The following ANKDD1A variants were observed in gnomAD, a reference collection of about 807,000 sequenced individuals.
ANKDD1A encodes ankyrin repeat and death domain containing 1A.
In ANKDD1A, 59 loss-of-function variants were observed where a neutral mutation model predicts 63.5. That is an observed-to-expected ratio of 0.93 (90% confidence interval 0.75 to 1.15). ANKDD1A has a LOEUF of 1.15. Ranked by LOEUF, ANKDD1A falls within the 50% of genes most tolerant of loss-of-function variation. ANKDD1A has a pLI of 0.00. For synonymous variants in ANKDD1A, 266 were observed against 263.9 expected (o/e 1.01, Z -0.08); for missense variants, 632 against 656.4 (o/e 0.96, Z 0.41).
Position 64,947,501 on chromosome 15 carries a change from C to T in ANKDD1A, c.1259C>T (p.Ser420Phe), listed in dbSNP as rs2140382314. 1 of 1,613,848 alleles carries T rather than the reference C, an allele frequency of 6.2e-7. No homozygotes were observed. Among genetic ancestry groups the T allele is most frequent in the Non-Finnish European group, 8.5e-7 (1 of 1,179,886 alleles). ...CGTTCTGTGCTGTGGCGGCTGGCCTCCAGGTATCTGCAGCCCCGTGAGTGG... is the reference window on the plus strand; with the variant it reads ...CGTTCTGTGCTGTGGCGGCTGGCCTTCAGGTATCTGCAGCCCCGTGAGTGG... The part of the protein sequence containing the change: ...QLRSVLWRLA[S>F]RYLQPREWKK... The change falls in exon 13 of 15, where the codon TCC becomes TTC. Residue 420 changes from serine (S) to phenylalanine (F), a missense_variant. Physicochemically the swap from Ser to Phe is radical, Grantham distance 155. Transcript: ENST00000319580.
At chr15:64,944,110 G>C (rs1028122336) in intron 11 of ANKDD1A, among the ~76,000 whole-genome samples, 2 of 152,202 alleles carry the variant, frequency 1.3e-5, no homozygotes, top group Non-Finnish European at 2.9e-5. Context: ...GAGCTGGGGG[G>C]CAGGATCAGA....
chr15:64,931,687 G>C, intron 8 of ANKDD1A, 102 bp downstream of exon 8: 1 of 1,258,250 alleles, frequency 7.9e-7, no homozygotes, highest in Non-Finnish European at 1.1e-6. Context: ...AGTGAATAGA[G>C]GCTTCGAGGC....
Position 64,918,953 on chromosome 15 carries a change from C to CA in ANKDD1A, c.267+1451dup, listed in dbSNP as rs941866363. 1.6e-3 allele frequency among the ~76,000 whole-genome samples: 211 copies of CA among 132,234 alleles called. 1 individual carries two copies. Among genetic ancestry groups the CA allele is most frequent in the East Asian group, 8.1e-3 (37 of 4,580 alleles). The allele number at this position is 132,234 out of a possible 152,430, so 86.8% of individuals were successfully genotyped here. ...TGGGTGACAGAGCGAGACTCTGTCT[C>CA]AAAAAAAAAAAAGAATCCTCTCTGT... On this transcript the variant is annotated intron_variant, in intron 3 of 14. Transcript: ENST00000319580.
intron 14 of ANKDD1A, chr15:64,950,709 T>C (rs2085262211): frequency 2.0e-6 from 2 of 978,560 alleles, no homozygotes; most frequent in East Asian, 2.3e-4. Context: ...TAGCATATTA[T>C]TGAGGGAAAA....
chr15:64,937,618 T>C (rs55710439), intron 9 of ANKDD1A, among the ~76,000 whole-genome samples: 139,514 of 151,798 alleles, frequency 0.92, 64,854 homozygotes, highest in East Asian at 1. Flanking sequence ...GTCCCAGCTA[T>C]TCAGGAGGCT....
At chr15:64,945,230 A>G (rs185780931) in intron 12 of ANKDD1A, among the ~76,000 whole-genome samples, 119 of 152,278 alleles carry the variant, frequency 7.8e-4, no homozygotes, top group Middle Eastern at 3.4e-3. Flanking sequence ...AAATGGAGGT[A>G]GGGAGTTTTT....
intron 6 of ANKDD1A, 68 bp from the exon 7 acceptor site, chr15:64,930,754 C>A: frequency 6.8e-7 from 1 of 1,470,318 alleles, no homozygotes; most frequent in Non-Finnish European, 9.3e-7. Flanking sequence ...ATGGCTGCAG[C>A]TCATCACAGG....
intron 14 of ANKDD1A, among the ~76,000 whole-genome samples, chr15:64,951,789 CTTCT>C (rs202171482): frequency 0.023 from 2,733 of 117,724 alleles, 50 homozygotes; most frequent in Admixed American, 0.038. Context: ...TTTCTTCTTC[CTTCT>C]TTCTTTCCTC....
intron 14 of ANKDD1A, among the ~76,000 whole-genome samples, chr15:64,954,700 T>C (rs2085395199): frequency 6.9e-6 from 1 of 145,840 alleles, no homozygotes; most frequent in African/African-American, 2.6e-5. Context: ...TCCTTGTTCT[T>C]CTCCTTCTTC....
intron 4 of ANKDD1A, among the ~76,000 whole-genome samples, chr15:64,923,603 G>A (rs2085023683): frequency 6.6e-6 from 1 of 152,168 alleles, no homozygotes; most frequent in Non-Finnish European, 1.5e-5. Context: ...GTTGGCAGTG[G>A]TGGGAGTGCC....
intron 1 of ANKDD1A, among the ~76,000 whole-genome samples, chr15:64,915,509 T>C (rs1389043547): frequency 2.0e-5 from 3 of 152,100 alleles, no homozygotes; most frequent in African/African-American, 2.4e-5. Flanking sequence ...ACTTGGATAA[T>C]GGGGCACACA....
rs1566914299 is a variant in ANKDD1A at position 64,947,564 on chromosome 15, A to G, written c.1322A>G (p.His441Arg). Residue 441 changes from histidine (H) to arginine (R), a missense_variant, in exon 13 of 15, where the codon CAT becomes CGT. By Grantham distance (29) the His-to-Arg change is conservative. Coordinates refer to ENST00000319580, the MANE Select transcript of ANKDD1A (RefSeq NM_182703.6). The stretch of plus-strand genomic sequence containing the variant: ...TATTCCTGGGAGTTCACGGAGGCAC[A>G]TGTCGACGCCATCGAGCAACAGTGG... ...LAYSWEFTEAHVDAIEQQWTG... is the reference protein window; with the variant it reads ...LAYSWEFTEARVDAIEQQWTG... The G allele has an allele frequency of 6.2e-7, 1 of 1,614,144 alleles. No homozygotes were observed. Among genetic ancestry groups the G allele is most frequent in the Non-Finnish European group, 8.5e-7 (1 of 1,180,000 alleles).
intron 6 of ANKDD1A, 56 bp from the exon 7 acceptor site, chr15:64,930,766 C>A: frequency 1.3e-6 from 2 of 1,548,248 alleles, no homozygotes. Context: ...CATCACAGGT[C>A]TGTGATTCTG....
intron 8 of ANKDD1A, 132 bp from the exon 9 acceptor site, chr15:64,934,004 G>A: frequency 1.6e-6 from 1 of 643,970 alleles, no homozygotes. Context: ...GATTTTTCCA[G>A]CCTCAGTTAA....
chr15:64,951,040 C>T (rs1266369360), intron 14 of ANKDD1A: 13 of 1,247,292 alleles, frequency 1.0e-5, no homozygotes, highest in East Asian at 6.3e-5. Flanking sequence ...CCTTCAGGCA[C>T]GTGGGACCTC....
At chr15:64,949,509 G>C (rs2085251777) in intron 13 of ANKDD1A, among the ~76,000 whole-genome samples, 1 of 152,170 alleles carries the variant, frequency 6.6e-6, no homozygotes. Context: ...GTGCATCATG[G>C]TACCACAACG....
At chr15:64,946,416 T>G (rs576764268) in intron 12 of ANKDD1A, among the ~76,000 whole-genome samples, 10 of 152,316 alleles carry the variant, frequency 6.6e-5, no homozygotes, top group Non-Finnish European at 1.5e-4. Context: ...TATGCTAGAT[T>G]CCCTTAAACA....
Position 64,916,724 on chromosome 15 carries a change from C to T in ANKDD1A, c.139-662C>T, listed in dbSNP as rs544294779. 1.8e-4 allele frequency among the ~76,000 whole-genome samples: 28 copies of T among 152,256 alleles called. No individual in the cohort carries two copies. In the South Asian group the frequency reaches 2.5e-3, roughly 14 times the overall value. ...TGAGGTAGGAAGGAGCAGCTGGGCT[C>T]CAGAGAGGGGATGTGGCTTGCCTGA... On this transcript the variant is annotated intron_variant, in intron 2 of 14. Coordinates refer to ENST00000319580, the MANE Select transcript of ANKDD1A (RefSeq NM_182703.6).
chr15:64,954,308 TCTCTTC>T (rs2085379970), intron 14 of ANKDD1A, among the ~76,000 whole-genome samples: 1 of 28,108 alleles, frequency 3.6e-5, no homozygotes, highest in African/African-American at 5.4e-5. Context: ...TTCTTCTCCT[TCTCTTC>T]CTTCTTAGTT....
Sources: gnomAD v4.1 joint callset for allele counts (sites outside exome capture counted in the v4.1 genomes callset) on GRCh38, gnomAD v4.1.1 for gene constraint, MANE v1.5 for transcripts, NCBI Gene and HGNC (gene_info 2026-07-23, HGNC 2026-07-21) for gene names.